SFRP1: variants seen among roughly 807,000 people sequenced by gnomAD.
The protein encoded by SFRP1 is secreted frizzled related protein 1, also known as secreted frizzled-related protein 1.
In SFRP1, 9 loss-of-function variants were observed where a neutral mutation model predicts 25.9. That is an observed-to-expected ratio of 0.35 (90% CI 0.21 to 0.61). SFRP1 has a LOEUF of 0.61. Ranked by LOEUF, SFRP1 falls within the 20% of genes least tolerant of loss-of-function variation. The pLI is 0.78. For synonymous variants in SFRP1, 178 were observed against 174.0 expected (o/e 1.02, Z -0.18); for missense variants, 346 against 418.2 (o/e 0.83, Z 1.51).
intron 2 of SFRP1, among the ~76,000 whole-genome samples, chr8:41,290,309 T>C (rs1455204255): frequency 1.4e-4 from 22 of 152,196 alleles, no homozygotes; most frequent in Non-Finnish European, 3.2e-4. Flanking sequence ...CTGCAGCCTC[T>C]CCTGCCTCCC....
intron 2 of SFRP1, among the ~76,000 whole-genome samples, chr8:41,269,654 C>G (rs906977240): frequency 1.3e-5 from 2 of 152,156 alleles, no homozygotes; most frequent in African/African-American, 4.8e-5. Flanking sequence ...ATGAGTGGTG[C>G]CTCCAACCCT....
chr8:41,298,564 G>A lies in SFRP1; in HGVS notation c.622+4897C>T, dbSNP rs148313029. Reference sequence around the variant, plus strand: ...TGGGACTACAGGTGCATGACACCATGCCCAGTTAATATTTAATTTTTAATG... The same window carrying A: ...TGGGACTACAGGTGCATGACACCATACCCAGTTAATATTTAATTTTTAATG... On this transcript the variant is annotated intron_variant, in intron 2 of 2. Coordinates refer to ENST00000220772, the MANE Select transcript of SFRP1 (RefSeq NM_003012.5). 4.1e-3 allele frequency among the ~76,000 whole-genome samples: 618 copies of A among 152,154 alleles called. 6 individuals are homozygous for A. Among genetic ancestry groups the A allele is most frequent in the African/African-American group, 0.014 (581 of 41,486 alleles).
At chr8:41,308,161 G>A (rs1804021551) in intron 1 of SFRP1, among the ~76,000 whole-genome samples, 1 of 152,182 alleles carries the variant, frequency 6.6e-6, no homozygotes, top group Non-Finnish European at 1.5e-5. Context: ...GCATTCTCTC[G>A]GCCTTTCTGA....
chr8:41,293,912 A>G lies in SFRP1; in HGVS notation c.622+9549T>C, dbSNP rs375539887. Among the ~76,000 whole-genome samples, 3 of 147,662 alleles carry G rather than the reference A, an allele frequency of 2.0e-5. No homozygotes were observed. The East Asian group carries it at 5.9e-4, about 29-fold the overall frequency. On this transcript the variant is annotated intron_variant, in intron 2 of 2. Transcript: ENST00000220772. ...CAAGTAGCTGGGACCACAATGTGCC[A>G]CCATATCTGGCTACTTTTTTTTTTT...
intron 1 of SFRP1, among the ~76,000 whole-genome samples, chr8:41,305,694 G>A (rs1343943271): frequency 6.6e-6 from 1 of 152,186 alleles, no homozygotes; most frequent in Non-Finnish European, 1.5e-5. Flanking sequence ...AAAAAGCAAA[G>A]GTTTTGTGTT....
At chr8:41,302,968 G>C (rs1212742998) in intron 2 of SFRP1, among the ~76,000 whole-genome samples, 1 of 149,234 alleles carries the variant, frequency 6.7e-6, no homozygotes, top group Admixed American at 6.8e-5. Flanking sequence ...CCTAAGCATT[G>C]AACTCTCCCC....
intron 1 of SFRP1, among the ~76,000 whole-genome samples, chr8:41,307,727 A>AT (rs1002614331): frequency 4.0e-5 from 6 of 151,570 alleles, no homozygotes; most frequent in Non-Finnish European, 5.9e-5. Context: ...ACTTCCCAGG[A>AT]TTTTTTTTTC....
intron 2 of SFRP1, among the ~76,000 whole-genome samples, chr8:41,269,552 G>A (rs1241976731): frequency 6.6e-6 from 1 of 152,072 alleles, no homozygotes. Flanking sequence ...GCCTTATTTG[G>A]GAAGCTGAAA....
chr8:41,287,140 T>C (rs1803715333), intron 2 of SFRP1, among the ~76,000 whole-genome samples: 1 of 152,210 alleles, frequency 6.6e-6, no homozygotes, highest in Admixed American at 6.5e-5. Context: ...AGTCTTCCCT[T>C]TGCTGGACTG....
chr8:41,306,366 T>C lies in SFRP1; in HGVS notation c.544+2250A>G, dbSNP rs138560708. ...CATAAAGAATAAACGAATAAAAGAGTAGTGCATGCATACTTATTCTCATTG... is the reference window on the plus strand; with the variant it reads ...CATAAAGAATAAACGAATAAAAGAGCAGTGCATGCATACTTATTCTCATTG... On this transcript the variant is annotated intron_variant, in intron 1 of 2. Transcript: ENST00000220772. 1.0e-3 allele frequency among the ~76,000 whole-genome samples: 158 copies of C among 151,570 alleles called. 1 individual carries two copies. Among genetic ancestry groups the C allele is most frequent in the African/African-American group, 3.8e-3 (155 of 41,266 alleles).
intron 2 of SFRP1, among the ~76,000 whole-genome samples, chr8:41,279,522 CT>C (rs1412860536): frequency 6.6e-6 from 1 of 152,108 alleles, no homozygotes; most frequent in Non-Finnish European, 1.5e-5. Flanking sequence ...CAGAGCGGGA[CT>C]TTGATCCAAG....
chr8:41,268,948 G>A (rs1219958812), intron 2 of SFRP1, among the ~76,000 whole-genome samples: 1 of 152,224 alleles, frequency 6.6e-6, no homozygotes, highest in Admixed American at 6.5e-5. Flanking sequence ...AGCAGCTGGG[G>A]CAACAGCTGG....
At chr8:41,270,738 G>T (rs904054624) in intron 2 of SFRP1, among the ~76,000 whole-genome samples, 1 of 150,498 alleles carries the variant, frequency 6.6e-6, no homozygotes, top group Admixed American at 6.7e-5. Flanking sequence ...TAGGAGAATC[G>T]CTTGAACCCG....
chr8:41,286,650 C>T (rs1035488054), intron 2 of SFRP1, among the ~76,000 whole-genome samples: 43 of 152,324 alleles, frequency 2.8e-4, no homozygotes, highest in African/African-American at 9.1e-4. Flanking sequence ...CAACATGGAA[C>T]GACTCCAGGA....
At chr8:41,295,133 AG>A (rs1383064131) in intron 2 of SFRP1, among the ~76,000 whole-genome samples, 3 of 152,136 alleles carry the variant, frequency 2.0e-5, no homozygotes, top group African/African-American at 7.2e-5. Context: ...GAGGCCAAGG[AG>A]GGCAGATCAC....
At chr8:41,299,499 T>TAAAAAAAAAA (rs576175856) in intron 2 of SFRP1, among the ~76,000 whole-genome samples, 12 of 56,060 alleles carry the variant, frequency 2.1e-4, no homozygotes, top group African/African-American at 9.4e-4. Flanking sequence ...TTCTCCTTTA[T>TAAAAAAAAAA]AAAAAAAAAA....
chr8:41,292,090 T>A (rs1005438768), intron 2 of SFRP1, among the ~76,000 whole-genome samples: 4 of 152,122 alleles, frequency 2.6e-5, no homozygotes. Flanking sequence ...CCAGGCAGAA[T>A]TACACCACTA....
rs1212807548 is a variant in SFRP1, at chr8:41,290,883, C to G, written c.622+12578G>C. ...TTTGTCTTCTTCTCCTCCTCTTCCT[C>G]GTCTTTTTTTTTTTTTTTTTTTTTT... On this transcript the variant is annotated intron_variant, in intron 2 of 2. Transcript: ENST00000220772. Among the ~76,000 whole-genome samples the G allele has an allele frequency of 1.5e-4, 7 of 45,670 alleles. 3 individuals are homozygous for G. The highest frequency in any genetic ancestry group is 2.3e-3 in the South Asian group (2 of 858). 30.0% of individuals were successfully genotyped at this position (45,670 alleles called of 152,430 possible). A position where few individuals can be genotyped will look rare whatever the true frequency, so the allele number is the denominator to read the frequency against.
At chr8:41,265,527 A>G in intron 2 of SFRP1, 38 bp from the exon 3 acceptor site, 1 of 1,466,776 alleles carries the variant, frequency 6.8e-7, no homozygotes, top group Non-Finnish European at 9.2e-7. Flanking sequence ...AAAAGAGGGT[A>G]AGAGAAAGCA....
Sources: gnomAD v4.1 joint callset for allele counts (sites outside exome capture counted in the v4.1 genomes callset) on GRCh38, gnomAD v4.1.1 for gene constraint, MANE v1.5 for transcripts, NCBI Gene and HGNC (gene_info 2026-07-23, HGNC 2026-07-21) for gene names.